The following OSBPL10 variants were observed in gnomAD, a reference collection of about 807,000 sequenced individuals.
OSBPL10 encodes the protein oxysterol-binding protein-related protein 10.
OSBPL10 carries 49 observed loss-of-function variants against 81.7 expected under a neutral mutation model. The observed-to-expected ratio is 0.60, with a 90% CI of 0.48 to 0.76. The LOEUF (loss-of-function observed/expected upper bound fraction) is 0.76. OSBPL10 is among the 30% of genes least tolerant of loss of function. The pLI, the probability that OSBPL10 is intolerant of heterozygous loss-of-function variation, is 0.00. For synonymous variants in OSBPL10, 419 were observed against 383.6 expected, an observed-to-expected ratio of 1.09 and a Z score of -1.08; for missense variants, 923 against 987.8, an observed-to-expected ratio of 0.93 and a Z score of 0.88.
At chr3:31,811,074 A>G (rs1251592852) in intron 4 of OSBPL10, among the ~76,000 whole-genome samples, 1 of 152,130 alleles carries the variant, frequency 6.6e-6, no homozygotes, top group African/African-American at 2.4e-5. Flanking sequence ...GTGAGCCTAT[A>G]AGCAAGAGTC....
chr3:31,965,827 A>T (rs1698369181), intron 1 of OSBPL10, among the ~76,000 whole-genome samples: 2 of 85,750 alleles, frequency 2.3e-5, no homozygotes, highest in African/African-American at 1.2e-4. Flanking sequence ...ATATTATATA[A>T]ATATATAATA....
chr3:32,068,629 G>T (rs1478548209), intron 1 of OSBPL10, among the ~76,000 whole-genome samples: 1 of 152,140 alleles, frequency 6.6e-6, no homozygotes, highest in Non-Finnish European at 1.5e-5. Flanking sequence ...TAAATGGCCA[G>T]AAAACGGCAC....
intron 1 of OSBPL10, among the ~76,000 whole-genome samples, chr3:31,942,428 A>C: frequency 6.6e-6 from 1 of 151,694 alleles, no homozygotes. Flanking sequence ...TCCCAGCTAC[A>C]AGAGGCTGAG....
chr3:32,008,567 C>CAA (rs60287692), intron 2 of OSBPL10, among the ~76,000 whole-genome samples: 2 of 137,052 alleles, frequency 1.5e-5, no homozygotes, highest in South Asian at 2.3e-4. Context: ...CCCGTTTCTA[C>CAA]AAAAAAAAAA....
chr3:31,980,762 G>C lies in OSBPL10; in HGVS notation c.281+137C>G, dbSNP rs955478237. 8 of 1,161,762 alleles carry C rather than the reference G, an allele frequency of 6.9e-6. No homozygotes were observed. The Admixed American group carries it at 1.1e-4, about 16-fold the overall frequency. The allele number at this position is 1,161,762 out of a possible 1,614,324, so 72.0% of individuals were successfully genotyped here. A position where few individuals can be genotyped will look rare whatever the true frequency, so the allele number is the denominator to read the frequency against. On this transcript the variant is annotated intron_variant, in intron 1 of 11. Transcript: ENST00000396556. ...GGAGCAGGGACGCAGGAAGGGCACC[G>C]TTGGGAGGCATCACTGGGTTCGCTG...
chr3:31,879,519 T>C (rs1311109374), intron 2 of OSBPL10, 136 bp downstream of exon 2: 4 of 833,920 alleles, frequency 4.8e-6, no homozygotes, highest in Non-Finnish European at 7.3e-6. Context: ...AGAGAGGCAA[T>C]GTGTGTCACC....
intron 7 of OSBPL10, among the ~76,000 whole-genome samples, chr3:31,698,954 C>G (rs1559421726): frequency 6.6e-6 from 1 of 152,194 alleles, no homozygotes; most frequent in African/African-American, 2.4e-5. Flanking sequence ...CTTCCATCAT[C>G]ACTCAGGCCC....
At chr3:31,772,690 G>GC (rs1407526763) in intron 4 of OSBPL10, among the ~76,000 whole-genome samples, 4 of 152,160 alleles carry the variant, frequency 2.6e-5, no homozygotes, top group Non-Finnish European at 5.9e-5. Flanking sequence ...TGCCTTGTTT[G>GC]CCCTCTCTGG....
chr3:31,769,464 A>AC lies in OSBPL10; in HGVS notation c.730-21345_730-21344insG, dbSNP rs1439259879. 2.0e-3 allele frequency among the ~76,000 whole-genome samples: 193 copies of AC among 97,812 alleles called. 43 individuals carry two copies. The highest frequency in any genetic ancestry group is 4.5e-3 in the South Asian group (12 of 2,650). 64.2% of individuals were successfully genotyped at this position (97,812 alleles called of 152,430 possible). On this transcript the variant is annotated intron_variant, in intron 4 of 11. Transcript: ENST00000396556. ...CCATCTCAAAAAAAAAAAAACAAAA[A>AC]AAAAACAAAAAAAAACAGAATAAAA...
intron 4 of OSBPL10, among the ~76,000 whole-genome samples, chr3:31,784,460 C>G (rs1461527956): frequency 6.6e-6 from 1 of 151,854 alleles, no homozygotes; most frequent in African/African-American, 2.4e-5. Flanking sequence ...AACCTTTGAC[C>G]CCAACTTCTA....
intron 1 of OSBPL10, among the ~76,000 whole-genome samples, chr3:31,943,099 T>C (rs531352873): frequency 5.7e-4 from 87 of 152,362 alleles, no homozygotes; most frequent in Non-Finnish European, 8.2e-4. Flanking sequence ...ATGGGAAGCA[T>C]ACAATATTTG....
At chr3:31,975,232 C>T (rs945332677) in intron 1 of OSBPL10, among the ~76,000 whole-genome samples, 2 of 152,140 alleles carry the variant, frequency 1.3e-5, no homozygotes, top group Admixed American at 6.6e-5. Context: ...TAGTTAGTGT[C>T]CCTAAAGGAT....
Position 31,863,486 on chromosome 3 carries a change from C to T in OSBPL10, c.537+12947G>A, listed in dbSNP as rs532923177. On this transcript the variant is annotated intron_variant, in intron 3 of 11. Coordinates refer to ENST00000396556, the MANE Select transcript of OSBPL10 (RefSeq NM_017784.5). ...CGATAAGAGCCACTTGTTAGCTATG[C>T]CACCTTGGGCTTATCACAAATCTAC... is the stretch of plus-strand genomic sequence containing the variant. 2.5e-3 allele frequency among the ~76,000 whole-genome samples: 381 copies of T among 152,272 alleles called. 1 individual carries two copies. The highest frequency in any genetic ancestry group is 8.9e-3 in the African/African-American group (371 of 41,550).
At position 31,959,481 on chromosome 3, in the gene OSBPL10, G is replaced by C. The variant is rs1429673210; in HGVS notation, c.281+21418C>G. Among the ~76,000 whole-genome samples, 4 of 152,246 alleles carry C rather than the reference G, an allele frequency of 2.6e-5. No individual in the cohort carries two copies. In the East Asian group the frequency reaches 5.8e-4, roughly 22 times the overall value. On this transcript the variant is annotated intron_variant, in intron 1 of 11. Coordinates refer to ENST00000396556, the MANE Select transcript of OSBPL10 (RefSeq NM_017784.5). ...CAAACACAATCTGTTAATACCCCAG[G>C]ATCACTGGGTTCAAGGAAGAGCTCT...
At chr3:31,847,573 C>CA (rs1317510213) in intron 3 of OSBPL10, among the ~76,000 whole-genome samples, 2 of 152,110 alleles carry the variant, frequency 1.3e-5, no homozygotes, top group Non-Finnish European at 2.9e-5. Flanking sequence ...GGCATTACCC[C>CA]AATCCATATC....
At chr3:31,812,006 ATTATTT>A (rs951418702) in intron 4 of OSBPL10, among the ~76,000 whole-genome samples, 1 of 152,180 alleles carries the variant, frequency 6.6e-6, no homozygotes, top group Non-Finnish European at 1.5e-5. Flanking sequence ...TGGCCAAGTT[ATTATTT>A]TTATTTTTTA....
intron 2 of OSBPL10, among the ~76,000 whole-genome samples, chr3:32,028,982 A>ACACACACC (rs1699442521): frequency 6.8e-6 from 1 of 147,666 alleles, no homozygotes; most frequent in African/African-American, 2.5e-5. Context: ...ACACACACAC[A>ACACACACC]CACACACCAG....
chr3:31,881,123 G>A (rs1199098825), intron 1 of OSBPL10, among the ~76,000 whole-genome samples: 1 of 152,156 alleles, frequency 6.6e-6, no homozygotes, highest in Non-Finnish European at 1.5e-5. Context: ...GCTCCCTCAT[G>A]GTACTGGCCC....
chr3:31,757,594 A>G (rs1697925845), intron 4 of OSBPL10, among the ~76,000 whole-genome samples: 1 of 152,242 alleles, frequency 6.6e-6, no homozygotes. Context: ...CTAGTAAACT[A>G]AGAAACACAT....
Sources: gnomAD v4.1 joint callset for allele counts (sites outside exome capture counted in the v4.1 genomes callset) on GRCh38, gnomAD v4.1.1 for gene constraint, MANE v1.5 for transcripts, NCBI Gene and HGNC (gene_info 2026-07-23, HGNC 2026-07-21) for gene names.